GRIN2A: variants seen among roughly 807,000 people sequenced by gnomAD.
GRIN2A encodes glutamate ionotropic receptor NMDA type subunit 2A.
A neutral mutation model predicts 113.4 loss-of-function variants in GRIN2A; 22 were observed. That is an observed-to-expected ratio of 0.19 (90% CI 0.14 to 0.28). The LOEUF (loss-of-function observed/expected upper bound fraction) is 0.28, where lower values mean the gene tolerates loss of function less well. Among genes scored for constraint, GRIN2A ranks in the 10% least tolerant of loss-of-function variants. The pLI, the probability that GRIN2A is intolerant of heterozygous loss-of-function variation, is 1.00. For missense variants in GRIN2A, 1,502 were observed against 1,887.0 expected, an observed-to-expected ratio of 0.80 and a Z score of 3.78; for synonymous variants, 827 against 738.4, an observed-to-expected ratio of 1.12 and a Z score of -1.94.
intron 2 of GRIN2A, among the ~76,000 whole-genome samples, chr16:10,167,656 C>A (rs977168662): frequency 6.6e-6 from 1 of 152,194 alleles, no homozygotes; most frequent in Non-Finnish European, 1.5e-5. Flanking sequence ...ATTAATGGAG[C>A]AAATATTCTT....
intron 5 of GRIN2A, 60 bp downstream of exon 5, chr16:9,849,696 A>G: frequency 8.3e-7 from 1 of 1,204,702 alleles, no homozygotes; most frequent in Non-Finnish European, 1.2e-6. Context: ...GTTACTATCG[A>G]TGATCCATGC....
At chr16:10,113,512 C>G (rs1301483725) in intron 2 of GRIN2A, among the ~76,000 whole-genome samples, 1 of 152,228 alleles carries the variant, frequency 6.6e-6, no homozygotes, top group Non-Finnish European at 1.5e-5. Context: ...CTCTCCTCAG[C>G]TGCAGTTGAA....
chr16:10,101,266 T>G (rs138320608), intron 2 of GRIN2A, among the ~76,000 whole-genome samples: 112 of 152,348 alleles, frequency 7.4e-4, no homozygotes, highest in African/African-American at 2.5e-3. Flanking sequence ...CAGGTACTTA[T>G]GCCCTCTCAA....
intron 3 of GRIN2A, among the ~76,000 whole-genome samples, chr16:9,903,155 G>C (rs2043965777): frequency 6.6e-6 from 1 of 151,922 alleles, no homozygotes; most frequent in Admixed American, 6.6e-5. Context: ...ATTTTTAGTA[G>C]AGACGGGGTT....
chr16:9,911,285 G>C (rs1444618013), intron 3 of GRIN2A, among the ~76,000 whole-genome samples: 3 of 152,142 alleles, frequency 2.0e-5, no homozygotes, highest in Non-Finnish European at 4.4e-5. Context: ...CCAGGAGTTT[G>C]AGACCAGCTT....
intron 2 of GRIN2A, among the ~76,000 whole-genome samples, chr16:10,047,910 A>T (rs2047288081): frequency 6.6e-6 from 1 of 152,122 alleles, no homozygotes; most frequent in South Asian, 2.1e-4. Context: ...TATCTGGCTT[A>T]CTAACATATG....
chr16:10,141,679 C>A lies in GRIN2A; in HGVS notation c.414+38319G>T, dbSNP rs150821435. Among the ~76,000 whole-genome samples the A allele has an allele frequency of 4.9e-3, 750 of 152,198 alleles. 13 individuals are homozygous for A. Among genetic ancestry groups the A allele is most frequent in the Non-Finnish European group, 4.3e-3 (290 of 68,022 alleles). ...GGTTAAAAACAACCATAATGCCAGA[C>A]CTTTTCATATATTTCTGTTGTAAAA... On this transcript the variant is annotated intron_variant, in intron 2 of 12. Transcript: ENST00000330684.
At chr16:9,927,186 A>G (rs180970391) in intron 3 of GRIN2A, among the ~76,000 whole-genome samples, 1 of 152,302 alleles carries the variant, frequency 6.6e-6, no homozygotes, top group Non-Finnish European at 1.5e-5. Flanking sequence ...TTTTATTGAG[A>G]CTTCATGCCT....
At chr16:9,767,485 T>G (rs1004539531) in intron 12 of GRIN2A, among the ~76,000 whole-genome samples, 6 of 152,062 alleles carry the variant, frequency 3.9e-5, no homozygotes, top group African/African-American at 1.4e-4. Context: ...ACATGTGCTG[T>G]GTTGGTTTGC....
chr16:9,799,301 C>T (rs1162872094), intron 10 of GRIN2A, among the ~76,000 whole-genome samples: 1 of 152,168 alleles, frequency 6.6e-6, no homozygotes. Context: ...TGAACACAGA[C>T]ATGCACACAG....
chr16:9,977,518 A>G (rs1173166144), intron 2 of GRIN2A, among the ~76,000 whole-genome samples: 3 of 152,342 alleles, frequency 2.0e-5, no homozygotes, highest in Non-Finnish European at 4.4e-5. Flanking sequence ...CTTTATGTGT[A>G]GAAATGAAAG....
chr16:10,113,046 C>T (rs927572627), intron 2 of GRIN2A, among the ~76,000 whole-genome samples: 3 of 152,122 alleles, frequency 2.0e-5, no homozygotes, highest in Non-Finnish European at 2.9e-5. Flanking sequence ...TGCAGCCCCT[C>T]GCTGAGCATC....
chr16:10,022,274 T>C (rs1346146891), intron 2 of GRIN2A, among the ~76,000 whole-genome samples: 4 of 150,912 alleles, frequency 2.7e-5, no homozygotes, highest in East Asian at 1.9e-4. Flanking sequence ...TACACATGCA[T>C]GCACAGAGTC....
At chr16:10,040,859 C>G (rs539398488) in intron 2 of GRIN2A, among the ~76,000 whole-genome samples, 13 of 152,376 alleles carry the variant, frequency 8.5e-5, no homozygotes, top group Admixed American at 5.2e-4. Context: ...CAGGTCAGAG[C>G]TGTGCCGATG....
intron 2 of GRIN2A, among the ~76,000 whole-genome samples, chr16:10,035,716 T>C (rs1459181413): frequency 1.4e-5 from 2 of 139,594 alleles, no homozygotes; most frequent in African/African-American, 5.4e-5. Context: ...CTGCACTGGA[T>C]GATCGATTTT....
intron 2 of GRIN2A, among the ~76,000 whole-genome samples, chr16:9,981,951 T>G (rs528321997): frequency 1.3e-5 from 2 of 152,216 alleles, no homozygotes; most frequent in East Asian, 3.9e-4. Context: ...CATGCCTAGC[T>G]AATTTTTGTA....
chr16:10,117,692 G>T (rs2048754642), intron 2 of GRIN2A, among the ~76,000 whole-genome samples: 1 of 152,136 alleles, frequency 6.6e-6, no homozygotes, highest in Non-Finnish European at 1.5e-5. Flanking sequence ...GCACCAGGAG[G>T]AATCTCTACA....
intron 2 of GRIN2A, chr16:9,970,983 G>A (rs1291464614): frequency 1.3e-5 from 2 of 152,214 alleles, no homozygotes; most frequent in Non-Finnish European, 2.9e-5. Context: ...GAGTTGTGTA[G>A]ATAGTCATTT....
chr16:10,107,659 C>T (rs1047578884), intron 2 of GRIN2A, among the ~76,000 whole-genome samples: 3 of 152,174 alleles, frequency 2.0e-5, no homozygotes, highest in Non-Finnish European at 4.4e-5. Context: ...TCCCGTCCTC[C>T]CCCTGGGAAT....
Sources: gnomAD v4.1 joint callset for allele counts (sites outside exome capture counted in the v4.1 genomes callset) on GRCh38, gnomAD v4.1.1 for gene constraint, MANE v1.5 for transcripts, NCBI Gene and HGNC (gene_info 2026-07-23, HGNC 2026-07-21) for gene names.